SMC5: variants seen among roughly 807,000 people sequenced by gnomAD.
SMC5 encodes structural maintenance of chromosomes 5, also known as structural maintenance of chromosomes protein 5.
SMC5 carries 88 observed loss-of-function variants against 148.3 expected under a neutral mutation model. That is an observed-to-expected ratio of 0.59 (90% CI 0.50 to 0.71). The LOEUF (loss-of-function observed/expected upper bound fraction) is 0.71, where lower values mean the gene tolerates loss of function less well. SMC5 is among the 30% of genes least tolerant of loss of function. SMC5 has a pLI of 0.00. For missense variants in SMC5, 1,142 were observed against 1,298.9 expected (o/e 0.88, Z 1.86); for synonymous variants, 421 against 432.8 (o/e 0.97, Z 0.34).
Position 70,305,150 on chromosome 9 carries a change from A to G in SMC5, c.1465-97A>G. The G allele has an allele frequency of 5.1e-6, 3 of 583,126 alleles. No individual in the cohort carries two copies. In the South Asian group the frequency reaches 6.9e-5, roughly 13 times the overall value. 36.1% of individuals were successfully genotyped at this position (583,126 alleles called of 1,614,324 possible). A position where few individuals can be genotyped will look rare whatever the true frequency, so the allele number is the denominator to read the frequency against. Reference sequence around the variant, plus strand: ...TTTTTTTTTATCTTGTTTTTTCTCAAGTATTACAATCTAATTAAATCCAAT... The same window carrying G: ...TTTTTTTTTATCTTGTTTTTTCTCAGGTATTACAATCTAATTAAATCCAAT... On this transcript the variant is annotated intron_variant, in intron 10 of 24. Transcript: ENST00000361138.
Position 70,300,022 on chromosome 9 carries a change from CTT to C in SMC5, c.1310-22_1310-21del, listed in dbSNP as rs370502623. ...AATTAAAATTTTCAGAGAAACAAGA[CTT>C]TGTTTTGTTTTACAATTTTAGGTGT... On this transcript the variant is annotated intron_variant, in intron 9 of 24. Coordinates refer to ENST00000361138, the MANE Select transcript of SMC5 (RefSeq NM_015110.4). 149 of 1,532,600 alleles carry C rather than the reference CTT, an allele frequency of 9.7e-5. 1 individual carries two copies. The East Asian group carries it at 2.3e-3, about 24-fold the overall frequency. The allele number at this position is 1,532,600 out of a possible 1,614,324, so 94.9% of individuals were successfully genotyped here.
At chr9:70,279,749 G>A (rs868365979) in intron 5 of SMC5, among the ~76,000 whole-genome samples, 9 of 151,206 alleles carry the variant, frequency 6.0e-5, no homozygotes, top group South Asian at 2.1e-4. Flanking sequence ...CCTGGGAGGC[G>A]GAGGTTGTAG....
At chr9:70,328,006 GC>G (rs1374775721) in intron 17 of SMC5, among the ~76,000 whole-genome samples, 1 of 152,012 alleles carries the variant, frequency 6.6e-6, no homozygotes, top group Non-Finnish European at 1.5e-5. Context: ...AATGCTACAC[GC>G]TTTTAAACAA....
At chr9:70,295,346 C>CT (rs1300055308) in intron 8 of SMC5, among the ~76,000 whole-genome samples, 1 of 151,634 alleles carries the variant, frequency 6.6e-6, no homozygotes, top group East Asian at 1.9e-4. Flanking sequence ...TGGCGGGTGC[C>CT]TGTAGTCCCA....
intron 3 of SMC5, among the ~76,000 whole-genome samples, chr9:70,274,207 G>T (rs557889137): frequency 6.6e-6 from 1 of 152,164 alleles, no homozygotes; most frequent in Non-Finnish European, 1.5e-5. Context: ...TCAGCCTCCC[G>T]AGTAGCTGGG....
chr9:70,317,458 T>G (rs2035832082), intron 13 of SMC5, among the ~76,000 whole-genome samples: 2 of 152,172 alleles, frequency 1.3e-5, no homozygotes, highest in Admixed American at 1.3e-4. Flanking sequence ...TTTAGGAAAC[T>G]TGGGTAGGCT....
chr9:70,348,057 TA>T lies in SMC5; in HGVS notation c.2889+22del, dbSNP rs2036712910. The T allele has an allele frequency of 1.3e-6, 2 of 1,536,792 alleles. No individual in the cohort carries two copies. The highest frequency in any genetic ancestry group is 1.4e-5 in the African/African-American group (1 of 70,794). On this transcript the variant is annotated intron_variant, in intron 22 of 24. Transcript: ENST00000361138. Reference sequence around the variant, plus strand: ...AAATGAGGTAAAATTGCATTTGAAATAAATAATATTTCTGGCAAATAATTTT... The same window carrying T: ...AAATGAGGTAAAATTGCATTTGAAATAATAATATTTCTGGCAAATAATTTT...
At chr9:70,350,322 T>A (rs1328386528) in intron 23 of SMC5, 29 bp downstream of exon 23, 1 of 1,610,476 alleles carries the variant, frequency 6.2e-7, no homozygotes, top group Non-Finnish European at 8.5e-7. Context: ...TACTTGGATC[T>A]TCTTATATCC....
intron 17 of SMC5, among the ~76,000 whole-genome samples, chr9:70,339,601 C>A (rs1277388865): frequency 6.6e-6 from 1 of 152,196 alleles, no homozygotes; most frequent in East Asian, 1.9e-4. Context: ...TTCACTTGAA[C>A]CAAAGAGAAA....
chr9:70,318,915 A>C lies in SMC5; in HGVS notation c.2102A>C (p.Lys701Thr), dbSNP rs1233090559. Reference protein sequence around the residue: ...RQKKKELLERKTKKRQLEQKI... With the variant: ...RQKKKELLERTTKKRQLEQKI... ...AAGAAGAAGGAGCTTCTTGAGAGAA[A>C]AACCAAGAAAAGACAACTGGAACAA... Residue 701 changes from lysine (K) to threonine (T), a missense_variant, in exon 15 of 25, where the codon AAA becomes ACA. Physicochemically the swap from Lys to Thr is moderately conservative, Grantham distance 78. This residue lies in a region of SMC5 where 743 missense variants were observed against 835.7 expected (regional missense o/e 0.89). Transcript: ENST00000361138. 18 of 1,611,274 alleles carry C rather than the reference A, an allele frequency of 1.1e-5. No individual in the cohort carries two copies. The highest frequency in any genetic ancestry group is 1.5e-5 in the Non-Finnish European group (18 of 1,179,014).
chr9:70,261,897 C>T (rs908602705), intron 1 of SMC5, among the ~76,000 whole-genome samples: 18 of 152,148 alleles, frequency 1.2e-4, no homozygotes, highest in African/African-American at 4.3e-4. Flanking sequence ...AGTCAGATAG[C>T]GGGACTGAAA....
At position 70,318,863 on chromosome 9, in the gene SMC5, G is replaced by A; in HGVS notation, c.2050G>A (p.Glu684Lys). The A allele has an allele frequency of 6.2e-7, 1 of 1,611,642 alleles. No individual in the cohort carries two copies. Among genetic ancestry groups the A allele is most frequent in the Non-Finnish European group, 8.5e-7 (1 of 1,178,986 alleles). Residue 684 changes from glutamate to lysine, a missense_variant, in exon 15 of 25, where the codon GAG (glutamate) becomes AAG (lysine). Physicochemically the swap from Glu to Lys is moderately conservative, Grantham distance 56. Around this residue, in one of 5 missense-constraint regions of SMC5, gnomAD observed 743 missense variants for 835.7 expected, o/e 0.89. Transcript: ENST00000361138. ...IALRETSKHL[E>K]HKDNELRQKK... ...CTTACGTGAAACAAGCAAACATCTG[G>A]AGCACAAAGACAATGAACTTAGACA...
At chr9:70,317,866 T>G (rs997285472) in intron 13 of SMC5, among the ~76,000 whole-genome samples, 3 of 152,168 alleles carry the variant, frequency 2.0e-5, no homozygotes, top group Non-Finnish European at 2.9e-5. Flanking sequence ...AGGAACTAAA[T>G]ATAAGATTAT....
At chr9:70,288,616 A>G (rs955133975) in intron 8 of SMC5, among the ~76,000 whole-genome samples, 1 of 151,946 alleles carries the variant, frequency 6.6e-6, no homozygotes, top group Admixed American at 6.6e-5. Context: ...TTTGGGCATC[A>G]TTTGGCTACA....
At chr9:70,337,702 C>T (rs377150225) in intron 17 of SMC5, among the ~76,000 whole-genome samples, 112 of 152,054 alleles carry the variant, frequency 7.4e-4, no homozygotes, top group African/African-American at 2.6e-3. Context: ...ATGATCCACC[C>T]GCCTCGGCCT....
At chr9:70,326,184 C>A (rs2036070615) in intron 17 of SMC5, among the ~76,000 whole-genome samples, 2 of 151,934 alleles carry the variant, frequency 1.3e-5, no homozygotes, top group Admixed American at 6.6e-5. Context: ...AGAGGTACAT[C>A]TAAAAGAAAG....
chr9:70,329,113 C>A (rs1412355285), intron 17 of SMC5, among the ~76,000 whole-genome samples: 1 of 152,206 alleles, frequency 6.6e-6, no homozygotes, highest in South Asian at 2.1e-4. Context: ...GATCGCCAGG[C>A]CTGTGATGGG....
At chr9:70,315,734 G>A (rs2035783724) in intron 13 of SMC5, among the ~76,000 whole-genome samples, 156 bp downstream of exon 13, 2 of 152,024 alleles carry the variant, frequency 1.3e-5, no homozygotes, top group Non-Finnish European at 2.9e-5. Context: ...TTTTCCATAT[G>A]ACATGAAACA....
Position 70,352,196 on chromosome 9 carries a change from G to C in SMC5, c.3171G>C (p.Leu1057=). The change falls in exon 25 of 25, where the codon CTG becomes CTC. Residue 1057 remains leucine (L), a synonymous_variant. Transcript: ENST00000361138. ...SQYFFITPKL[L]QNLPYSEKMT... is the part of the protein sequence containing the mutation. ...ATTTGTTTTAATACTTACAGCTCCT[G>C]CAAAATCTTCCTTATTCTGAAAAGA... 1 of 1,607,380 alleles carries C rather than the reference G, an allele frequency of 6.2e-7. No homozygotes were observed. Among genetic ancestry groups the C allele is most frequent in the Non-Finnish European group, 8.5e-7 (1 of 1,178,046 alleles).
Sources: gnomAD v4.1 joint callset for allele counts (sites outside exome capture counted in the v4.1 genomes callset) on GRCh38, gnomAD v4.1.1 for gene constraint, gnomAD v4.1.1 regional missense constraint, MANE v1.5 for transcripts, NCBI Gene and HGNC (gene_info 2026-07-23, HGNC 2026-07-21) for gene names.